Variants in SMAP1 observed in about 807,000 individuals in gnomAD.
SMAP1 encodes the protein small ArfGAP 1.
In SMAP1, 24 loss-of-function variants were observed where a neutral mutation model predicts 58.5. That is an observed-to-expected ratio of 0.41 (90% CI 0.30 to 0.58). The LOEUF (loss-of-function observed/expected upper bound fraction) is 0.58. SMAP1 is among the 20% of genes least tolerant of loss of function. SMAP1 has a pLI of 0.29. For synonymous variants in SMAP1, 216 were observed against 196.6 expected (o/e 1.10, Z -0.82); for missense variants, 563 against 566.3 (o/e 0.99, Z 0.06).
chr6:70,727,100 C>G (rs1251280575), intron 1 of SMAP1, among the ~76,000 whole-genome samples: 1 of 151,642 alleles, frequency 6.6e-6, no homozygotes, highest in South Asian at 2.1e-4. Flanking sequence ...AACTTGAGGT[C>G]TTTTTTTGTT....
At chr6:70,808,902 C>CTGAG (rs1554204705) in intron 6 of SMAP1, among the ~76,000 whole-genome samples, 1 of 144,678 alleles carries the variant, frequency 6.9e-6, no homozygotes, top group Non-Finnish European at 1.5e-5. Context: ...GGCTGTTTCC[C>CTGAG]TGTGTGTGTG....
At chr6:70,786,644 T>C (rs1343163730) in intron 4 of SMAP1, among the ~76,000 whole-genome samples, 1 of 152,142 alleles carries the variant, frequency 6.6e-6, no homozygotes, top group Admixed American at 6.5e-5. Context: ...ATCACAAGCA[T>C]TCTTATACAT....
At chr6:70,792,133 C>G (rs908416271) in intron 5 of SMAP1, among the ~76,000 whole-genome samples, 39 of 151,712 alleles carry the variant, frequency 2.6e-4, no homozygotes, top group South Asian at 2.1e-4. Context: ...TGTCAAGTTT[C>G]TTTTTTTTAA....
At chr6:70,857,214 A>G (rs1206127672) in intron 9 of SMAP1, 184 bp downstream of exon 9, 4 of 485,548 alleles carry the variant, frequency 8.2e-6, no homozygotes, top group Non-Finnish European at 1.0e-5. Flanking sequence ...AGGCATGTAC[A>G]GGATTCACAG....
chr6:70,835,418 CAACT>C (rs1242902386), intron 6 of SMAP1, among the ~76,000 whole-genome samples: 4 of 152,134 alleles, frequency 2.6e-5, no homozygotes, highest in East Asian at 1.9e-4. Context: ...ACTCATGTAA[CAACT>C]AAGTTGTGAA....
chr6:70,758,885 G>A (rs1480441958), intron 3 of SMAP1, among the ~76,000 whole-genome samples: 2 of 152,090 alleles, frequency 1.3e-5, no homozygotes, highest in African/African-American at 4.8e-5. Context: ...TTAAGAGTTA[G>A]AAATGAAAGA....
At chr6:70,819,338 A>AAG (rs1769785442) in intron 6 of SMAP1, among the ~76,000 whole-genome samples, 1 of 152,102 alleles carries the variant, frequency 6.6e-6, no homozygotes, top group African/African-American at 2.4e-5. Flanking sequence ...GAAAAAAAAA[A>AAG]AAGGAACCAG....
chr6:70,851,018 A>G (rs1463251207), intron 7 of SMAP1, among the ~76,000 whole-genome samples: 1 of 152,130 alleles, frequency 6.6e-6, no homozygotes, highest in African/African-American at 2.4e-5. Context: ...ATTATAATCT[A>G]TGTACATTGT....
At chr6:70,731,798 C>T (rs1419677304) in intron 1 of SMAP1, among the ~76,000 whole-genome samples, 1 of 151,792 alleles carries the variant, frequency 6.6e-6, no homozygotes, top group African/African-American at 2.4e-5. Flanking sequence ...ATTTTTTTTT[C>T]CAGAATGTTG....
chr6:70,699,276 G>A lies in SMAP1; in HGVS notation c.118+31135G>A, dbSNP rs574577884. On this transcript the variant is annotated intron_variant, in intron 1 of 10. Transcript: ENST00000370455. The stretch of plus-strand genomic sequence containing the variant: ...AATGGAGTCTCTCTCTCTGTGCAGA[G>A]CTTCCTGCGGCTGAGGGAGGGATGA... Among the ~76,000 whole-genome samples, 5 of 152,296 alleles carry A rather than the reference G, an allele frequency of 3.3e-5. No individual in the cohort carries two copies. In the East Asian group the frequency reaches 9.7e-4, roughly 29 times the overall value.
chr6:70,700,188 G>T (rs941231816), intron 1 of SMAP1, among the ~76,000 whole-genome samples: 5 of 152,154 alleles, frequency 3.3e-5, no homozygotes, highest in African/African-American at 1.2e-4. Flanking sequence ...TCGCCATATG[G>T]CCTGCAAGCA....
intron 1 of SMAP1, among the ~76,000 whole-genome samples, chr6:70,724,094 A>G (rs544140480): frequency 1.1e-3 from 171 of 150,050 alleles, no homozygotes; most frequent in African/African-American, 3.9e-3. Flanking sequence ...AGAATTAACT[A>G]TGTCCATTTT....
chr6:70,816,949 C>T (rs1769656005), intron 6 of SMAP1, among the ~76,000 whole-genome samples: 1 of 151,780 alleles, frequency 6.6e-6, no homozygotes, highest in African/African-American at 2.4e-5. Context: ...AAAATGAACA[C>T]AAAAGAAGCA....
intron 9 of SMAP1, 99 bp downstream of exon 9, chr6:70,857,129 A>G: frequency 8.2e-7 from 1 of 1,219,856 alleles, no homozygotes; most frequent in Non-Finnish European, 1.1e-6. Context: ...TGTTCCATGT[A>G]GTGAGTGCTT....
At chr6:70,726,875 GT>G (rs1181426662) in intron 1 of SMAP1, among the ~76,000 whole-genome samples, 300 of 10,998 alleles carry the variant, frequency 0.027, no homozygotes, top group African/African-American at 0.089. Flanking sequence ...AATTTTAGGG[GT>G]GTGTGTGTGT....
intron 4 of SMAP1, among the ~76,000 whole-genome samples, chr6:70,788,414 A>G (rs760204993): frequency 5.3e-5 from 8 of 152,010 alleles, no homozygotes; most frequent in Non-Finnish European, 1.2e-4. Context: ...ACAAACCTGC[A>G]CATTGTGCGC....
intron 2 of SMAP1, among the ~76,000 whole-genome samples, chr6:70,740,826 A>G (rs901036310): frequency 6.6e-6 from 1 of 152,236 alleles, no homozygotes; most frequent in Non-Finnish European, 1.5e-5. Flanking sequence ...GGTTTAATGG[A>G]CTCACAGTTC....
At chr6:70,758,177 A>G (rs1389724662) in intron 3 of SMAP1, among the ~76,000 whole-genome samples, 1 of 151,440 alleles carries the variant, frequency 6.6e-6, no homozygotes, top group East Asian at 1.9e-4. Flanking sequence ...ACACCATGGA[A>G]TACTATGCAG....
At chr6:70,699,636 C>G (rs1298913951) in intron 1 of SMAP1, among the ~76,000 whole-genome samples, 1 of 152,112 alleles carries the variant, frequency 6.6e-6, no homozygotes. Flanking sequence ...TAACATTCTT[C>G]CCTCTCCTTT....
Sources: allele counts gnomAD v4.1 joint callset (sites outside exome capture counted in the v4.1 genomes callset), GRCh38; gene constraint gnomAD v4.1.1; transcripts MANE v1.5; gene names NCBI Gene and HGNC (gene_info 2026-07-23, HGNC 2026-07-21).